The following ITSN2 variants were observed in gnomAD, a reference collection of about 807,000 sequenced individuals.
The protein encoded by ITSN2 is intersectin-2.
ITSN2 carries 156 observed loss-of-function variants against 243.7 expected under a neutral mutation model. The observed-to-expected ratio is 0.64, with a 90% CI of 0.56 to 0.73. The LOEUF is 0.73. Among genes scored for constraint, ITSN2 ranks in the 30% least tolerant of loss-of-function variants. ITSN2 has a pLI of 0.00. For synonymous variants in ITSN2, 703 were observed against 699.9 expected (o/e 1.00, Z -0.07); for missense variants, 1,801 against 1,996.1 (o/e 0.90, Z 1.86).
At chr2:24,348,189 GATT>G (rs1242007709) in intron 1 of ITSN2, among the ~76,000 whole-genome samples, 14 of 104,752 alleles carry the variant, frequency 1.3e-4, no homozygotes, top group African/African-American at 2.9e-4. Context: ...CAAATACTAT[GATT>G]TTTTTTTTTT....
At chr2:24,327,597 C>T (rs1402912546) in intron 2 of ITSN2, among the ~76,000 whole-genome samples, 4 of 152,084 alleles carry the variant, frequency 2.6e-5, no homozygotes, top group African/African-American at 7.2e-5. Flanking sequence ...CACACCCGGC[C>T]AGCACTTTCT....
chr2:24,261,461 C>T lies in ITSN2; in HGVS notation c.2537+100G>A, dbSNP rs79223234. On this transcript the variant is annotated intron_variant, in intron 21 of 39. Transcript: ENST00000355123. ...AAAAGTAGTCTTGAAGAGTACAACCCGGATTACACTATGATGAAGTAGTAG... is the reference window on the plus strand; with the variant it reads ...AAAAGTAGTCTTGAAGAGTACAACCTGGATTACACTATGATGAAGTAGTAG... 1,706 of 1,055,946 alleles carry T rather than the reference C, an allele frequency of 1.6e-3. 16 individuals carry two copies. The African/African-American group carries it at 0.025, about 16-fold the overall frequency. The allele number at this position is 1,055,946 out of a possible 1,614,324, so 65.4% of individuals were successfully genotyped here.
In ITSN2 at chr2:24,210,783, C is replaced by T. The variant is rs779355070; in HGVS notation, c.4254G>A (p.Ala1418=). The T allele has an allele frequency of 2.0e-5, 33 of 1,613,556 alleles. No homozygotes were observed. The highest frequency in any genetic ancestry group is 6.7e-5 in the East Asian group (3 of 44,870). The change falls in exon 34 of 40, where the codon GCG becomes GCA. Residue 1418 remains alanine, a synonymous_variant. Coordinates refer to ENST00000355123, the MANE Select transcript of ITSN2 (RefSeq NM_006277.3). ...GGCTTAACCACACAGGCCTGACCTC[C>T]GCGAGGCCTTCACACTGCACGTGCG... The part of the protein sequence containing the change: ...IQAHVQCEGL[A]EQLIFNSLTN...
chr2:24,212,481 A>ACG (rs1406819265), intron 33 of ITSN2, among the ~76,000 whole-genome samples, 169 bp downstream of exon 33: 1 of 151,994 alleles, frequency 6.6e-6, no homozygotes, highest in African/African-American at 2.4e-5. Context: ...GTTTCTGTGC[A>ACG]CACACACACA....
intron 1 of ITSN2, among the ~76,000 whole-genome samples, chr2:24,349,110 A>C: frequency 6.7e-6 from 1 of 150,016 alleles, no homozygotes; most frequent in South Asian, 2.1e-4. Context: ...CTACAACAAC[A>C]ATAATCATCA....
chr2:24,309,701 C>T (rs1203906833), intron 7 of ITSN2, among the ~76,000 whole-genome samples: 1 of 152,120 alleles, frequency 6.6e-6, no homozygotes, highest in Non-Finnish European at 1.5e-5. Context: ...ATACTACAGT[C>T]CCCATCTTTT....
chr2:24,207,402 G>A (rs1038023211), intron 37 of ITSN2, among the ~76,000 whole-genome samples: 12 of 152,148 alleles, frequency 7.9e-5, no homozygotes, highest in African/African-American at 2.9e-4. Context: ...GCTGCTGGAA[G>A]GAGGCTGGTG....
chr2:24,227,021 C>T (rs1055791042), intron 29 of ITSN2, among the ~76,000 whole-genome samples: 8 of 152,146 alleles, frequency 5.3e-5, no homozygotes, highest in African/African-American at 1.9e-4. Flanking sequence ...GAGGCTGAGG[C>T]AGGAGAATCA....
chr2:24,316,654 T>C (rs769730922), intron 2 of ITSN2, among the ~76,000 whole-genome samples: 10 of 152,264 alleles, frequency 6.6e-5, no homozygotes, highest in Non-Finnish European at 1.2e-4. Context: ...ACATGGCTCC[T>C]ATATACCTTT....
At chr2:24,228,379 G>T (rs1671249068) in intron 29 of ITSN2, among the ~76,000 whole-genome samples, 1 of 151,988 alleles carries the variant, frequency 6.6e-6, no homozygotes, top group African/African-American at 2.4e-5. Context: ...ACATAAGAAG[G>T]AAAAAGAAAA....
At chr2:24,313,546 C>G (rs376844774) in intron 3 of ITSN2, 23 bp from the exon 4 acceptor site, 10 of 1,573,468 alleles carry the variant, frequency 6.4e-6, no homozygotes, top group Non-Finnish European at 7.9e-6. Flanking sequence ...AAAACAAAAC[C>G]CAAGCAGCAC....
At chr2:24,352,484 T>C (rs1479059915) in intron 1 of ITSN2, among the ~76,000 whole-genome samples, 1 of 152,190 alleles carries the variant, frequency 6.6e-6, no homozygotes, top group Non-Finnish European at 1.5e-5. Context: ...CATTTCTATC[T>C]AGAGGCTTAG....
At position 24,300,108 on chromosome 2, in the gene ITSN2, C is replaced by A; in HGVS notation, c.1145G>T (p.Arg382Leu). Residue 382 changes from arginine to leucine, a missense_variant, in exon 12 of 40, where the codon CGC (arginine) becomes CTC (leucine). Physicochemically the swap from Arg to Leu is moderately radical, Grantham distance 102 (BLOSUM62 -2). Transcript: ENST00000355123. ...TTGTTGCTGCTCCATCAAGGCTTGG[C>A]GTCGCTTTTCCAGCTCCATGTTCCC... ...ERGNMELEKRRQALMEQQQRE... is the reference protein window; with the variant it reads ...ERGNMELEKRLQALMEQQQRE... 1.2e-6 allele frequency: 2 copies of A among 1,614,128 alleles called. No homozygotes were observed. Among genetic ancestry groups the A allele is most frequent in the Non-Finnish European group, 1.7e-6 (2 of 1,180,022 alleles).
At position 24,239,822 on chromosome 2, in the gene ITSN2, T is replaced by G. The variant is rs558205961; in HGVS notation, c.3577+6307A>C. The stretch of plus-strand genomic sequence containing the variant: ...TTATTATGTCATATGATTTCCATTC[T>G]TTTTATCTTTTTCTTAAATACATGA... On this transcript the variant is annotated intron_variant, in intron 29 of 39. Transcript: ENST00000355123. 7 of 152,252 alleles carry G rather than the reference T, an allele frequency of 4.6e-5. No individual in the cohort carries two copies. In the South Asian group the frequency reaches 1.4e-3, roughly 32 times the overall value. 9.4% of individuals were successfully genotyped at this position (152,252 alleles called of 1,614,324 possible).
intron 36 of ITSN2, 42 bp from the exon 37 acceptor site, chr2:24,208,361 T>C (rs758675018): frequency 6.7e-6 from 10 of 1,489,834 alleles, no homozygotes; most frequent in Non-Finnish European, 9.3e-6. Flanking sequence ...CATCCCACCC[T>C]CACAGGTCAG....
intron 1 of ITSN2, among the ~76,000 whole-genome samples, chr2:24,346,414 A>C (rs2702127): frequency 0.98 from 148,924 of 152,286 alleles, 72,815 homozygotes; most frequent in East Asian, 0.99. Flanking sequence ...AACCTCTCAA[A>C]ACTGTCAAAG....
At position 24,261,095 on chromosome 2, in the gene ITSN2, A is replaced by C; in HGVS notation, c.2682+11T>G. 6.2e-7 allele frequency: 1 copy of C among 1,601,160 alleles called. No homozygotes were observed. The highest frequency in any genetic ancestry group is 8.5e-7 in the Non-Finnish European group (1 of 1,176,108). ...AAAGAATAAAGCCCACAAAAATAAC[A>C]GACAACATACCTGTCCATGAATAGG... On this transcript the variant is annotated intron_variant, in intron 22 of 39. Coordinates refer to ENST00000355123, the MANE Select transcript of ITSN2 (RefSeq NM_006277.3).
chr2:24,348,267 T>C (rs1558666084), intron 1 of ITSN2, among the ~76,000 whole-genome samples: 1 of 145,506 alleles, frequency 6.9e-6, no homozygotes, highest in African/African-American at 2.5e-5. Flanking sequence ...CTCCACCTTC[T>C]GGGTTCAAGC....
intron 1 of ITSN2, chr2:24,334,771 A>G (rs963098338): frequency 6.6e-7 from 1 of 1,518,156 alleles, no homozygotes; most frequent in East Asian, 2.3e-5. Flanking sequence ...CTATTAAAAG[A>G]TGCAAGCATT....
Sources: allele counts gnomAD v4.1 joint callset (sites outside exome capture counted in the v4.1 genomes callset), GRCh38; gene constraint gnomAD v4.1.1; transcripts MANE v1.5; gene names NCBI Gene and HGNC (gene_info 2026-07-23, HGNC 2026-07-21).